The following LTBP1 variants were observed in gnomAD, a reference collection of about 807,000 sequenced individuals.
The protein encoded by LTBP1 is latent-transforming growth factor beta-binding protein 1.
LTBP1 carries 129 observed loss-of-function variants against 207.6 expected under a neutral mutation model. The observed-to-expected ratio is 0.62, with a 90% CI of 0.54 to 0.72. LTBP1 has a LOEUF of 0.72. Ranked by LOEUF, LTBP1 falls within the 30% of genes least tolerant of loss-of-function variation. The pLI is 0.00. For missense variants in LTBP1, 2,281 were observed against 2,217.2 expected, an observed-to-expected ratio of 1.03 and a Z score of -0.58; for synonymous variants, 963 against 833.7, an observed-to-expected ratio of 1.16 and a Z score of -2.67.
chr2:33,356,248 A>C (rs1046736384), intron 26 of LTBP1, among the ~76,000 whole-genome samples: 3 of 152,226 alleles, frequency 2.0e-5, no homozygotes, highest in Non-Finnish European at 4.4e-5. Context: ...ATCGTGATGA[A>C]TCAGGGGTCA....
Position 32,947,163 on chromosome 2 carries a change from G to C in LTBP1, c.-162G>C, listed in dbSNP as rs890004736. 2 of 432,152 alleles carry C rather than the reference G, an allele frequency of 4.6e-6. No homozygotes were observed. The highest frequency in any genetic ancestry group is 8.1e-5 in the East Asian group (2 of 24,672). The allele number at this position is 432,152 out of a possible 1,614,324, so 26.8% of individuals were successfully genotyped here. A position where few individuals can be genotyped will look rare whatever the true frequency, so the allele number is the denominator to read the frequency against. The stretch of plus-strand genomic sequence containing the variant: ...GGCCGGGGTCTGGGGCCGCTCAGCT[G>C]CCCGCAGAGCCTCCTCCCTCGCCAC... On this transcript the variant is annotated 5_prime_UTR_variant, in exon 1 of 34. Transcript: ENST00000404816.
rs2094975320 is a variant in LTBP1 at position 33,365,571 on chromosome 2, C to T, written c.4711+68C>T. The T allele has an allele frequency of 2.7e-6, 4 of 1,467,734 alleles. No homozygotes were observed. The South Asian group carries it at 4.8e-5, about 18-fold the overall frequency. 90.9% of individuals were successfully genotyped at this position (1,467,734 alleles called of 1,614,324 possible). A position where few individuals can be genotyped will look rare whatever the true frequency, so the allele number is the denominator to read the frequency against. ...CAAGTTCATCTCACCTCCTTTGTAG[C>T]CTGACATTTCTCTTCTGTATCTTTG... On this transcript the variant is annotated intron_variant, in intron 31 of 33. Coordinates refer to ENST00000404816, the MANE Select transcript of LTBP1 (RefSeq NM_206943.4).
chr2:33,353,626 T>A (rs897536862), intron 26 of LTBP1, among the ~76,000 whole-genome samples: 7 of 152,174 alleles, frequency 4.6e-5, no homozygotes, highest in Admixed American at 2.6e-4. Flanking sequence ...TTTTAAAGAT[T>A]TAATAGGGGC....
chr2:33,214,885 AG>A (rs2090566593), intron 7 of LTBP1, among the ~76,000 whole-genome samples: 1 of 151,764 alleles, frequency 6.6e-6, no homozygotes, highest in Non-Finnish European at 1.5e-5. Context: ...AAAAAAAAAA[AG>A]CAATTGTTTT....
chr2:32,949,830 A>T (rs189830221), intron 2 of LTBP1, among the ~76,000 whole-genome samples: 30 of 152,346 alleles, frequency 2.0e-4, no homozygotes, highest in Admixed American at 6.5e-4. Context: ...GGATACAGTC[A>T]ATCTGGTGAC....
At chr2:33,353,860 CTT>C (rs1321533317) in intron 26 of LTBP1, among the ~76,000 whole-genome samples, 18 of 98,262 alleles carry the variant, frequency 1.8e-4, no homozygotes, top group Non-Finnish European at 2.0e-4. Flanking sequence ...GCATGTACGC[CTT>C]TTTTTTTTTT....
At chr2:33,289,751 T>G (rs1037911137) in intron 19 of LTBP1, among the ~76,000 whole-genome samples, 1 of 152,214 alleles carries the variant, frequency 6.6e-6, no homozygotes. Flanking sequence ...ATTATGTATA[T>G]GCACTGGAAG....
chr2:33,269,588 GCTGT>G (rs2093269684), intron 15 of LTBP1, among the ~76,000 whole-genome samples: 1 of 152,182 alleles, frequency 6.6e-6, no homozygotes, highest in South Asian at 2.1e-4. Flanking sequence ...AGAAATGAGT[GCTGT>G]CTATGTGAGG....
intron 1 of LTBP1, 66 bp from the exon 2 acceptor site, chr2:32,948,809 G>A: frequency 6.9e-7 from 1 of 1,448,232 alleles, no homozygotes; most frequent in East Asian, 2.3e-5. Flanking sequence ...GGAACATGCT[G>A]GAAGCTTGGG....
chr2:33,057,413 G>A (rs1338912069), intron 3 of LTBP1, among the ~76,000 whole-genome samples: 3 of 152,236 alleles, frequency 2.0e-5, no homozygotes, highest in African/African-American at 7.2e-5. Context: ...TGCCAGTCCC[G>A]CGCCATGCGC....
intron 31 of LTBP1, among the ~76,000 whole-genome samples, chr2:33,377,112 A>C (rs1484631834): frequency 6.6e-6 from 1 of 152,210 alleles, no homozygotes; most frequent in Non-Finnish European, 1.5e-5. Flanking sequence ...TAAAATTTTT[A>C]AAAACCCTGA....
rs147120900 is a variant in LTBP1, at chr2:33,227,145, C to G, written c.1876+4994C>G. On this transcript the variant is annotated intron_variant, in intron 9 of 33. Coordinates refer to ENST00000404816, the MANE Select transcript of LTBP1 (RefSeq NM_206943.4). The stretch of plus-strand genomic sequence containing the variant: ...CCGCTTCCTGGGTTCAGGTGATTCT[C>G]CTGCTTCAGCCTCCTGAGTAGCTGA... 3.0e-4 allele frequency among the ~76,000 whole-genome samples: 46 copies of G among 152,096 alleles called. No homozygotes were observed. In the East Asian group the frequency reaches 8.7e-3, roughly 29 times the overall value.
intron 3 of LTBP1, among the ~76,000 whole-genome samples, chr2:33,026,127 A>C (rs981587290): frequency 6.6e-6 from 1 of 152,220 alleles, no homozygotes; most frequent in Non-Finnish European, 1.5e-5. Context: ...TTGTTGCAGT[A>C]CTGATAGTTA....
chr2:33,086,178 C>T (rs1308286059), intron 3 of LTBP1, among the ~76,000 whole-genome samples: 1 of 152,206 alleles, frequency 6.6e-6, no homozygotes, highest in African/African-American at 2.4e-5. Flanking sequence ...TCATGGGACG[C>T]AACTGCTTGG....
At chr2:33,194,963 T>C (rs1457470254) in intron 7 of LTBP1, among the ~76,000 whole-genome samples, 6 of 152,236 alleles carry the variant, frequency 3.9e-5, no homozygotes, top group Non-Finnish European at 1.5e-5. Context: ...GCCTGTGCTA[T>C]ATAAAGAGAA....
chr2:33,249,234 C>T (rs2092608280), intron 10 of LTBP1, among the ~76,000 whole-genome samples: 1 of 151,770 alleles, frequency 6.6e-6, no homozygotes, highest in Non-Finnish European at 1.5e-5. Flanking sequence ...CATTTTAACC[C>T]ATTTATGCCT....
chr2:32,978,833 C>T (rs534230172), intron 2 of LTBP1, among the ~76,000 whole-genome samples: 46 of 151,896 alleles, frequency 3.0e-4, no homozygotes, highest in South Asian at 6.2e-4. Context: ...GAAGCCACTG[C>T]GTCCTGGGCT....
At chr2:33,252,171 A>T (rs1000679604) in intron 10 of LTBP1, among the ~76,000 whole-genome samples, 1 of 152,194 alleles carries the variant, frequency 6.6e-6, no homozygotes, top group African/African-American at 2.4e-5. Context: ...TCACTGGCGT[A>T]GGGTGAGACC....
At chr2:33,170,358 C>T (rs990734391) in intron 5 of LTBP1, among the ~76,000 whole-genome samples, 1 of 136,046 alleles carries the variant, frequency 7.4e-6, no homozygotes, top group Non-Finnish European at 1.6e-5. Flanking sequence ...TTATATCCCG[C>T]ACCTGGCTCA....
Sources: allele counts gnomAD v4.1 joint callset (sites outside exome capture counted in the v4.1 genomes callset), GRCh38; gene constraint gnomAD v4.1.1; transcripts MANE v1.5; gene names NCBI Gene and HGNC (gene_info 2026-07-23, HGNC 2026-07-21).